The following NUFIP1 variants were observed in gnomAD, a reference collection of about 807,000 sequenced individuals.
The protein encoded by NUFIP1 is nuclear FMR1 interacting protein 1.
Under a neutral mutation model 56.2 loss-of-function variants are expected in NUFIP1, and 38 were observed. The observed-to-expected ratio is 0.68, with a 90% CI of 0.52 to 0.89. The LOEUF (loss-of-function observed/expected upper bound fraction) is 0.89, where lower values mean the gene tolerates loss of function less well. NUFIP1 is among the 40% of genes least tolerant of loss of function. NUFIP1 has a pLI of 0.00. For missense variants in NUFIP1, 567 were observed against 605.8 expected (o/e 0.94, Z 0.67); for synonymous variants, 215 against 212.4 (o/e 1.01, Z -0.10).
chr13:44,986,158 T>C (rs1287678163), intron 1 of NUFIP1, among the ~76,000 whole-genome samples: 4 of 152,188 alleles, frequency 2.6e-5, no homozygotes, highest in African/African-American at 7.2e-5. Flanking sequence ...GATTCATAGA[T>C]AGTGATTCCT....
At position 44,988,025 on chromosome 13, in the gene NUFIP1, G is replaced by A. The variant is rs374428606; in HGVS notation, c.412+1000C>T. 5.3e-5 allele frequency among the ~76,000 whole-genome samples: 8 copies of A among 152,116 alleles called. No individual in the cohort carries two copies. The East Asian group carries it at 5.8e-4, about 11-fold the overall frequency. On this transcript the variant is annotated intron_variant, in intron 1 of 9. Coordinates refer to ENST00000379161, the MANE Select transcript of NUFIP1 (RefSeq NM_012345.3). ...TTTGCACTTGCAGTTCCTTCTGCCCGTACCCCTATTCTCCCAGTTGTATGC... is the reference window on the plus strand; with the variant it reads ...TTTGCACTTGCAGTTCCTTCTGCCCATACCCCTATTCTCCCAGTTGTATGC...
In NUFIP1 at chr13:44,941,140, T is replaced by C. The variant is rs1870718432; in HGVS notation, c.*66A>G. 3.8e-6 allele frequency: 3 copies of C among 798,244 alleles called. No homozygotes were observed. In the East Asian group the frequency reaches 7.7e-5, roughly 21 times the overall value. The allele number at this position is 798,244 out of a possible 1,614,324, so 49.4% of individuals were successfully genotyped here. A position where few individuals can be genotyped will look rare whatever the true frequency, so the allele number is the denominator to read the frequency against. Reference sequence around the variant, plus strand: ...TTTGACGGAAAAAAGGGTTTTGGTTTTCCTCTACTAACGAGGATGATACTG... The same window carrying C: ...TTTGACGGAAAAAAGGGTTTTGGTTCTCCTCTACTAACGAGGATGATACTG... On this transcript the variant is annotated 3_prime_UTR_variant, in exon 10 of 10. Transcript: ENST00000379161.
At chr13:44,983,836 C>T (rs1320815452) in intron 1 of NUFIP1, among the ~76,000 whole-genome samples, 1 of 152,140 alleles carries the variant, frequency 6.6e-6, no homozygotes, top group Non-Finnish European at 1.5e-5. Context: ...GACCTTCTCT[C>T]ACTCTCTCTC....
intron 1 of NUFIP1, among the ~76,000 whole-genome samples, chr13:44,983,401 T>C (rs958371246): frequency 6.6e-6 from 1 of 151,622 alleles, no homozygotes; most frequent in African/African-American, 2.4e-5. Flanking sequence ...GGTCTCGAAC[T>C]CCTGACCTCA....
chr13:44,969,458 A>G (rs1871727913), intron 5 of NUFIP1, among the ~76,000 whole-genome samples: 1 of 152,230 alleles, frequency 6.6e-6, no homozygotes, highest in African/African-American at 2.4e-5. Flanking sequence ...ATACATGTAA[A>G]GCTTAGTCCA....
intron 7 of NUFIP1, among the ~76,000 whole-genome samples, chr13:44,954,345 C>A (rs183240778): frequency 2.7e-3 from 413 of 152,114 alleles, no homozygotes; most frequent in African/African-American, 9.3e-3. Flanking sequence ...TTCCCACCAT[C>A]CCCCCCTAAA....
chr13:44,967,259 TGG>T (rs1871636893), intron 5 of NUFIP1, among the ~76,000 whole-genome samples: 1 of 151,880 alleles, frequency 6.6e-6, no homozygotes, highest in Non-Finnish European at 1.5e-5. Context: ...AGGCCGGGTG[TGG>T]TGGCTCACGT....
At chr13:44,987,313 G>A (rs1187553208) in intron 1 of NUFIP1, among the ~76,000 whole-genome samples, 2 of 152,036 alleles carry the variant, frequency 1.3e-5, no homozygotes, top group African/African-American at 2.4e-5. Context: ...GGGAGGTGGA[G>A]GTTGCAATGA....
chr13:44,982,171 C>A lies in NUFIP1; in HGVS notation c.413-17G>T. 4 of 1,183,244 alleles carry A rather than the reference C, an allele frequency of 3.4e-6. No homozygotes were observed. Among genetic ancestry groups the A allele is most frequent in the South Asian group, 1.9e-5 (1 of 51,632 alleles). 73.3% of individuals were successfully genotyped at this position (1,183,244 alleles called of 1,614,324 possible). On this transcript the variant is annotated splice_polypyrimidine_tract_variant and intron_variant, in intron 1 of 9. Transcript: ENST00000379161. The stretch of plus-strand genomic sequence containing the variant: ...AATTTTTAACTAAAAAAAAAAAGAT[C>A]CATAAATGTTTGCAACAATGTAATT...
At chr13:44,968,309 G>T (rs996413819) in intron 5 of NUFIP1, among the ~76,000 whole-genome samples, 2 of 151,700 alleles carry the variant, frequency 1.3e-5, no homozygotes, top group Non-Finnish European at 2.9e-5. Context: ...GCACTTGTAC[G>T]AGTGTGAAAT....
intron 9 of NUFIP1, among the ~76,000 whole-genome samples, chr13:44,942,263 G>A (rs1175387): frequency 0.98 from 149,558 of 152,318 alleles, 73,440 homozygotes; most frequent in East Asian, 1. Flanking sequence ...AAGAAAGCTA[G>A]AAATCCCTGG....
intron 7 of NUFIP1, 142 bp from the exon 8 acceptor site, chr13:44,949,980 G>C (rs1305634375): frequency 3.0e-6 from 2 of 668,804 alleles, no homozygotes; most frequent in Non-Finnish European, 5.4e-6. Context: ...TAGGGGGCCA[G>C]AAACACTTCC....
At chr13:44,945,894 C>G (rs1230520864) in intron 8 of NUFIP1, among the ~76,000 whole-genome samples, 1 of 152,050 alleles carries the variant, frequency 6.6e-6, no homozygotes, top group Admixed American at 6.6e-5. Flanking sequence ...CCATAATACT[C>G]AAACATTACA....
intron 1 of NUFIP1, 28 bp downstream of exon 1, chr13:44,988,997 G>A (rs1872544760): frequency 6.2e-7 from 1 of 1,610,484 alleles, no homozygotes; most frequent in Non-Finnish European, 8.5e-7. Context: ...AAGGTAAAGG[G>A]GTCGACTCAC....
rs149733547 is a variant in NUFIP1, at chr13:44,970,939, G to A, written c.735-5003C>T. Among the ~76,000 whole-genome samples the A allele has an allele frequency of 4.3e-3, 649 of 152,246 alleles. 2 individuals are homozygous for A. The highest frequency in any genetic ancestry group is 0.014 in the African/African-American group (601 of 41,530). On this transcript the variant is annotated intron_variant, in intron 5 of 9. Transcript: ENST00000379161. ...GATCTGCCTGCCTTGGCCTCCCAAA[G>A]GGCTGGGATTACAGGTGTGAGCCAC...
intron 1 of NUFIP1, among the ~76,000 whole-genome samples, chr13:44,987,376 C>A (rs1392074953): frequency 2.0e-5 from 3 of 151,432 alleles, no homozygotes; most frequent in Non-Finnish European, 4.4e-5. Context: ...TCTGTCTCAA[C>A]AAATTAAAAA....
At position 44,989,162 on chromosome 13, in the gene NUFIP1, G is replaced by C. The variant is rs779067174; in HGVS notation, c.275C>G (p.Pro92Arg). ...DAQILPGAQP[P>R]FDAQSPLDSQ... is the part of the protein sequence containing the mutation. ...ATCAAGGGGAGACTGGGCGTCGAAG[G>C]GGGGTTGCGCCCCGGGAAGAATCTG... is the stretch of plus-strand genomic sequence containing the variant. The change falls in exon 1 of 10, where the codon CCC becomes CGC. Residue 92 changes from proline to arginine, a missense_variant. By Grantham distance (103) the Pro-to-Arg change is moderately radical (BLOSUM62 -2). Coordinates refer to ENST00000379161, the MANE Select transcript of NUFIP1 (RefSeq NM_012345.3). 3 of 1,613,748 alleles carry C rather than the reference G, an allele frequency of 1.9e-6. No individual in the cohort carries two copies. Among genetic ancestry groups the C allele is most frequent in the Non-Finnish European group, 2.5e-6 (3 of 1,179,834 alleles).
At chr13:44,943,075 T>A (rs1299501929) in intron 9 of NUFIP1, among the ~76,000 whole-genome samples, 1 of 152,146 alleles carries the variant, frequency 6.6e-6, no homozygotes, top group Non-Finnish European at 1.5e-5. Flanking sequence ...TTTTTGTTAC[T>A]GTATGGTTCT....
intron 5 of NUFIP1, among the ~76,000 whole-genome samples, chr13:44,976,230 A>T (rs1871970978): frequency 6.6e-6 from 1 of 152,154 alleles, no homozygotes; most frequent in South Asian, 2.1e-4. Context: ...TACATATCAG[A>T]AACGAAGTGG....
Sources: gnomAD v4.1 joint callset for allele counts (sites outside exome capture counted in the v4.1 genomes callset) on GRCh38, gnomAD v4.1.1 for gene constraint, MANE v1.5 for transcripts, NCBI Gene and HGNC (gene_info 2026-07-23, HGNC 2026-07-21) for gene names.